The following YWHAG variants were observed in gnomAD, a reference collection of about 807,000 sequenced individuals.
The protein encoded by YWHAG is 14-3-3 protein gamma.
A neutral mutation model predicts 23.3 loss-of-function variants in YWHAG; 1 was observed. The observed-to-expected ratio is 0.04, with a 90% CI of 0.02 to 0.20. The LOEUF is 0.20. YWHAG is among the 10% of genes least tolerant of loss of function. The probability of loss-of-function intolerance (pLI) is 1.00; values close to 1 mark genes in which losing one functional copy is unlikely to be tolerated. For missense variants in YWHAG, 151 were observed against 338.6 expected (o/e 0.45, Z 4.35); for synonymous variants, 160 against 144.0 (o/e 1.11, Z -0.80).
At chr7:76,353,769 C>T (rs1264209177) in intron 1 of YWHAG, among the ~76,000 whole-genome samples, 2 of 151,894 alleles carry the variant, frequency 1.3e-5, no homozygotes, top group South Asian at 2.1e-4. Context: ...CATTTAGCTG[C>T]ATTATAATTA....
intron 1 of YWHAG, among the ~76,000 whole-genome samples, chr7:76,352,153 T>C (rs1455422639): frequency 6.6e-6 from 1 of 152,240 alleles, no homozygotes; most frequent in East Asian, 1.9e-4. Flanking sequence ...TCTACATTCT[T>C]AAAGAACTAG....
intron 1 of YWHAG, among the ~76,000 whole-genome samples, chr7:76,341,780 T>G (rs1034292480): frequency 6.6e-6 from 1 of 152,088 alleles, no homozygotes; most frequent in Non-Finnish European, 1.5e-5. Context: ...GGGTTTCTTT[T>G]TGGGTTGATG....
At position 76,328,410 on chromosome 7, in the gene YWHAG, C is replaced by T. The variant is rs1803485741; in HGVS notation, c.*1167G>A. The T allele has an allele frequency of 6.6e-6, 1 of 152,120 alleles. No homozygotes were observed. Among genetic ancestry groups the T allele is most frequent in the African/African-American group, 2.4e-5 (1 of 41,410 alleles). The allele number at this position is 152,120 out of a possible 1,614,324, so 9.4% of individuals were successfully genotyped here. A position where few individuals can be genotyped will look rare whatever the true frequency, so the allele number is the denominator to read the frequency against. On this transcript the variant is annotated 3_prime_UTR_variant, in exon 2 of 2. Transcript: ENST00000307630. ...TGTCTTCGGGGAGGAAAAACTGACACACTGACAAGGCTCCCGAAATTGGAC... is the reference window on the plus strand; with the variant it reads ...TGTCTTCGGGGAGGAAAAACTGACATACTGACAAGGCTCCCGAAATTGGAC...
intron 1 of YWHAG, among the ~76,000 whole-genome samples, chr7:76,332,245 CT>C (rs1208935054): frequency 6.6e-6 from 1 of 152,144 alleles, no homozygotes; most frequent in Non-Finnish European, 1.5e-5. Context: ...GTTCCCGGCA[CT>C]TCTGCAAACA....
chr7:76,353,085 T>C (rs970228695), intron 1 of YWHAG, among the ~76,000 whole-genome samples: 26 of 152,260 alleles, frequency 1.7e-4, no homozygotes, highest in South Asian at 6.2e-4. Context: ...ACCAGTTCTT[T>C]AAACAGAAAG....
At chr7:76,337,738 T>G (rs1218578239) in intron 1 of YWHAG, among the ~76,000 whole-genome samples, 1 of 151,928 alleles carries the variant, frequency 6.6e-6, no homozygotes, top group African/African-American at 2.4e-5. Flanking sequence ...TTTCACCATG[T>G]TTGGCCAGGC....
chr7:76,334,513 G>C lies in YWHAG; in HGVS notation c.88-4280C>G, dbSNP rs965944515. 2.0e-5 allele frequency among the ~76,000 whole-genome samples: 3 copies of C among 147,586 alleles called. No individual in the cohort carries two copies. The South Asian group carries it at 6.5e-4, about 32-fold the overall frequency. ...TGCAATCACAGCTCACTGCAGCCAC[G>C]CCACAAACTCCTCTGCCTCAGCCTC... On this transcript the variant is annotated intron_variant, in intron 1 of 1. Transcript: ENST00000307630.
rs1431998566 is a variant in YWHAG, at chr7:76,330,216, C to T, written c.105G>A (p.Glu35=). 1 of 1,612,244 alleles carries T rather than the reference C, an allele frequency of 6.2e-7. No homozygotes were observed. The highest frequency in any genetic ancestry group is 2.2e-5 in the East Asian group (1 of 44,870). ...GGTTTCGTTCCTCATTCGACAGTGGCTCATTCAGCTCTGTCACCTGCCAGG... is the reference window on the plus strand; with the variant it reads ...GGTTTCGTTCCTCATTCGACAGTGGTTCATTCAGCTCTGTCACCTGCCAGG... ...AAMKNVTELN[E]PLSNEERNLL... is the part of the protein sequence containing the mutation. The change falls in exon 2 of 2, where the codon GAG becomes GAA. Residue 35 remains glutamate (E), a synonymous_variant. Coordinates refer to ENST00000307630, the MANE Select transcript of YWHAG (RefSeq NM_012479.4).
intron 1 of YWHAG, among the ~76,000 whole-genome samples, chr7:76,333,442 G>T (rs970818839): frequency 2.0e-5 from 3 of 152,132 alleles, no homozygotes; most frequent in African/African-American, 7.2e-5. Flanking sequence ...GAAACATGAG[G>T]AACTACTTTT....
intron 1 of YWHAG, among the ~76,000 whole-genome samples, chr7:76,335,619 G>C (rs1245811859): frequency 6.6e-6 from 1 of 152,176 alleles, no homozygotes; most frequent in Non-Finnish European, 1.5e-5. Context: ...GGAGTACCAG[G>C]TCATTCACAA....
At chr7:76,348,776 G>A (rs1290416455) in intron 1 of YWHAG, among the ~76,000 whole-genome samples, 3 of 151,820 alleles carry the variant, frequency 2.0e-5, no homozygotes, top group South Asian at 2.1e-4. Flanking sequence ...CTGACCTCAG[G>A]TGACCCGCCC....
chr7:76,335,789 A>G (rs1284130987), intron 1 of YWHAG, among the ~76,000 whole-genome samples: 2 of 152,198 alleles, frequency 1.3e-5, no homozygotes, highest in Non-Finnish European at 2.9e-5. Context: ...TGTCTCTACT[A>G]AAAATACAAA....
chr7:76,347,637 T>C (rs368323736), intron 1 of YWHAG, among the ~76,000 whole-genome samples: 53 of 152,294 alleles, frequency 3.5e-4, no homozygotes, highest in Admixed American at 1.0e-3. Flanking sequence ...AAATATCTTA[T>C]ATACAATATA....
At chr7:76,347,920 C>T (rs1803807841) in intron 1 of YWHAG, among the ~76,000 whole-genome samples, 1 of 152,182 alleles carries the variant, frequency 6.6e-6, no homozygotes, top group African/African-American at 2.4e-5. Context: ...CTCAAGCTCT[C>T]CTTTGTTAAA....
In YWHAG at chr7:76,349,060, C is replaced by T. The variant is rs189939905; in HGVS notation, c.87+9662G>A. 1.7e-3 allele frequency among the ~76,000 whole-genome samples: 257 copies of T among 151,330 alleles called. 2 individuals carry two copies. Among genetic ancestry groups the T allele is most frequent in the African/African-American group, 5.7e-3 (237 of 41,306 alleles). On this transcript the variant is annotated intron_variant, in intron 1 of 1. Transcript: ENST00000307630. ...TGTAATTTAAAAAATCTCGTCTTCC[C>T]GGCCGGGTGTGGTGGCTCATGCCTG...
chr7:76,358,305 AGG>A (rs1803992173), intron 1 of YWHAG, among the ~76,000 whole-genome samples: 1 of 152,170 alleles, frequency 6.6e-6, no homozygotes, highest in African/African-American at 2.4e-5. Context: ...CCCAGACACC[AGG>A]GAGAGAAAGA....
At position 76,355,268 on chromosome 7, in the gene YWHAG, T is replaced by C. The variant is rs1803936876; in HGVS notation, c.87+3454A>G. Among the ~76,000 whole-genome samples the C allele has an allele frequency of 2.0e-5, 3 of 152,326 alleles. No homozygotes were observed. In the South Asian group the frequency reaches 6.2e-4, roughly 32 times the overall value. On this transcript the variant is annotated intron_variant, in intron 1 of 1. Coordinates refer to ENST00000307630, the MANE Select transcript of YWHAG (RefSeq NM_012479.4). ...GTTTTCTCCACTCTTTTCAATAATT[T>C]AAAGATTGGCTTAATAAATAAGGCT...
At chr7:76,354,079 A>C (rs556276176) in intron 1 of YWHAG, among the ~76,000 whole-genome samples, 3,664 of 149,352 alleles carry the variant, frequency 0.025, 206 homozygotes, top group African/African-American at 0.086. Context: ...AAAACAAAAA[A>C]CAAGCAATCA....
chr7:76,339,167 T>C (rs970731077), intron 1 of YWHAG, among the ~76,000 whole-genome samples: 8 of 152,178 alleles, frequency 5.3e-5, no homozygotes, highest in African/African-American at 1.9e-4. Context: ...TTAACTTAGT[T>C]GTATAAAAAT....
Sources: allele counts gnomAD v4.1 joint callset (sites outside exome capture counted in the v4.1 genomes callset), GRCh38; gene constraint gnomAD v4.1.1; transcripts MANE v1.5; gene names NCBI Gene and HGNC (gene_info 2026-07-23, HGNC 2026-07-21).